The following LAMB4 variants were observed in gnomAD, a reference collection of about 807,000 sequenced individuals.
The protein encoded by LAMB4 is laminin subunit beta-4.
A neutral mutation model predicts 199.2 loss-of-function variants in LAMB4; 196 were observed. The ratio of observed to expected loss-of-function variants is 0.98; its 90% CI spans 0.88 to 1.11. The LOEUF (loss-of-function observed/expected upper bound fraction) is 1.11. Among genes scored for constraint, LAMB4 ranks in the 50% least tolerant of loss-of-function variants. The pLI, the probability that LAMB4 is intolerant of heterozygous loss-of-function variation, is 0.00. For synonymous variants in LAMB4, 744 were observed against 770.6 expected (o/e 0.97, Z 0.57); for missense variants, 2,080 against 2,171.2 (o/e 0.96, Z 0.83).
chr7:108,120,312 A>G (rs1212869911), intron 2 of LAMB4, among the ~76,000 whole-genome samples: 3 of 152,202 alleles, frequency 2.0e-5, no homozygotes, highest in African/African-American at 7.2e-5. Flanking sequence ...TTACTTAAAC[A>G]TTATTCACAT....
chr7:108,031,221 G>T (rs1319232861), intron 31 of LAMB4, among the ~76,000 whole-genome samples: 3 of 151,324 alleles, frequency 2.0e-5, no homozygotes, highest in African/African-American at 7.3e-5. Flanking sequence ...TACTCGGGAG[G>T]CTGAGGCAGG....
At chr7:108,022,075 TCCTAA>T (rs2034706161), downstream of LAMB4, among the ~76,000 whole-genome samples, 2 of 152,298 alleles carry the variant, frequency 1.3e-5, no homozygotes, top group Admixed American at 6.5e-5. Flanking sequence ...AGCATTGGCC[TCCTAA>T]CCTGAGTGTA....
chr7:108,068,976 A>G (rs2036439071), intron 18 of LAMB4, among the ~76,000 whole-genome samples: 1 of 152,102 alleles, frequency 6.6e-6, no homozygotes, highest in Non-Finnish European at 1.5e-5. Context: ...GTGACCCACC[A>G]TGCCCGGTCC....
Position 108,124,013 on chromosome 7 carries a change from T to G in LAMB4, c.-33-816A>C, listed in dbSNP as rs114943803. Among the ~76,000 whole-genome samples, 728 of 143,938 alleles carry G rather than the reference T, an allele frequency of 5.1e-3. 8 individuals carry two copies. The highest frequency in any genetic ancestry group is 0.018 in the African/African-American group (689 of 37,970). 94.4% of individuals were successfully genotyped at this position (143,938 alleles called of 152,430 possible). On this transcript the variant is annotated intron_variant, in intron 1 of 33. Transcript: ENST00000388781. ...GAAAAGAAGGTAAAATTTGTAATGG[T>G]TTTTTTTTTTCCTTTTTTTAAGACA...
At chr7:108,060,968 A>G (rs1182096403) in intron 23 of LAMB4, among the ~76,000 whole-genome samples, 6 of 152,204 alleles carry the variant, frequency 3.9e-5, no homozygotes, top group Non-Finnish European at 8.8e-5. Context: ...TCTGACAAAC[A>G]CTGCTTCAGC....
At chr7:108,044,689 C>A (rs929698057) in intron 28 of LAMB4, among the ~76,000 whole-genome samples, 3 of 152,090 alleles carry the variant, frequency 2.0e-5, no homozygotes, top group Non-Finnish European at 2.9e-5. Context: ...TGGTGGCTCA[C>A]GCCTGTAATC....
Position 108,109,255 on chromosome 7 carries a change from A to G in LAMB4, c.329-11T>C. 1 of 1,599,970 alleles carries G rather than the reference A, an allele frequency of 6.3e-7. No homozygotes were observed. The highest frequency in any genetic ancestry group is 8.6e-7 in the Non-Finnish European group (1 of 1,168,704). On this transcript the variant is annotated splice_polypyrimidine_tract_variant and intron_variant, in intron 4 of 33. Transcript: ENST00000388781. ...TGACATGATCAAGACCTAAGGAAGA[A>G]TCCAGAAAGAAGAAAATCAGTGATT...
intron 2 of LAMB4, among the ~76,000 whole-genome samples, chr7:108,120,713 A>G (rs2038568484): frequency 1.3e-5 from 2 of 152,272 alleles, no homozygotes; most frequent in African/African-American, 4.8e-5. Context: ...TAAGGACAAT[A>G]TCAGGTATAA....
At chr7:108,033,735 A>AC (rs2035124288) in intron 31 of LAMB4, among the ~76,000 whole-genome samples, 1 of 102,078 alleles carries the variant, frequency 9.8e-6, no homozygotes, top group South Asian at 3.3e-4. Context: ...TTGGATGAGT[A>AC]TTTTTTTTTT....
chr7:108,087,540 A>G (rs374774692), intron 14 of LAMB4, among the ~76,000 whole-genome samples: 2 of 152,360 alleles, frequency 1.3e-5, no homozygotes, highest in East Asian at 3.9e-4. Flanking sequence ...GATGGCTACA[A>G]GGTCTTCTGG....
chr7:108,056,572 A>AAGAT (rs1395358858), intron 24 of LAMB4, among the ~76,000 whole-genome samples: 8 of 152,218 alleles, frequency 5.3e-5, no homozygotes, highest in African/African-American at 1.9e-4. Context: ...ACCAAGCCTG[A>AAGAT]AGATAGAGGA....
At position 108,057,889 on chromosome 7, in the gene LAMB4, T is replaced by G; in HGVS notation, c.3322A>C (p.Lys1108Gln). Reference protein sequence around the residue: ...QCPCKLGYGGKRCSECQENYY... With the variant: ...QCPCKLGYGGQRCSECQENYY... ...TTTTCCTGGCACTCACTGCAACGTT[T>G]CCCGCCGTAACCTAATTTACACGGA... Residue 1108 changes from lysine to glutamine, a missense_variant, in exon 24 of 34, where the codon AAA (lysine) becomes CAA (glutamine). Transcript: ENST00000388781. The G allele has an allele frequency of 6.2e-7, 1 of 1,611,556 alleles. No homozygotes were observed. Among genetic ancestry groups the G allele is most frequent in the Non-Finnish European group, 8.5e-7 (1 of 1,179,366 alleles).
intron 7 of LAMB4, 70 bp downstream of exon 7, chr7:108,106,439 C>T: frequency 3.4e-6 from 3 of 895,420 alleles, no homozygotes; most frequent in Non-Finnish European, 3.5e-6. Flanking sequence ...AAAAGAAAAG[C>T]AATTACAAGG....
chr7:108,111,049 A>G (rs2150670800), intron 4 of LAMB4, among the ~76,000 whole-genome samples: 1 of 152,334 alleles, frequency 6.6e-6, no homozygotes, highest in South Asian at 2.1e-4. Context: ...AATGTAGTGA[A>G]TGAAATCATC....
chr7:108,106,429 A>T, intron 7 of LAMB4, 80 bp downstream of exon 7: 1 of 891,246 alleles, frequency 1.1e-6, no homozygotes, highest in South Asian at 1.5e-5. Flanking sequence ...AGAAAAAAAA[A>T]AAAGAAAAGC....
rs2038933254 is a variant in LAMB4, at chr7:108,130,323, T to C, written c.-51A>G. ...AGACTTACCAGGATCTGGGAGTCTT[T>C]GTGGAGAGGTTCAGGCAGCAAACGG... is the stretch of plus-strand genomic sequence containing the variant. On this transcript the variant is annotated 5_prime_UTR_variant, in exon 1 of 34. Transcript: ENST00000388781. The C allele has an allele frequency of 1.3e-5, 2 of 152,132 alleles. No individual in the cohort carries two copies. Among genetic ancestry groups the C allele is most frequent in the South Asian group, 4.2e-4 (2 of 4,816 alleles). The allele number at this position is 152,132 out of a possible 1,614,324, so 9.4% of individuals were successfully genotyped here.
chr7:108,109,339 T>C lies in LAMB4; in HGVS notation c.329-95A>G. 3 of 892,948 alleles carry C rather than the reference T, an allele frequency of 3.4e-6. No individual in the cohort carries two copies. The East Asian group carries it at 7.3e-5, about 22-fold the overall frequency. The allele number at this position is 892,948 out of a possible 1,614,324, so 55.3% of individuals were successfully genotyped here. On this transcript the variant is annotated intron_variant, in intron 4 of 33. Coordinates refer to ENST00000388781, the MANE Select transcript of LAMB4 (RefSeq NM_007356.3). ...ATTGTGGCTTATCTGTAATAAAATC[T>C]CTTTGATGCCACAAGGCTGACGATC...
Position 108,036,194 on chromosome 7 carries a change from A to ATTT in LAMB4, c.4679+1191_4679+1193dup, listed in dbSNP as rs564957239. Among the ~76,000 whole-genome samples the ATTT allele has an allele frequency of 7.5e-3, 1,071 of 142,548 alleles. 7 individuals carry two copies. Among genetic ancestry groups the ATTT allele is most frequent in the African/African-American group, 0.023 (914 of 39,410 alleles). 93.5% of individuals were successfully genotyped at this position (142,548 alleles called of 152,430 possible). A position where few individuals can be genotyped will look rare whatever the true frequency, so the allele number is the denominator to read the frequency against. On this transcript the variant is annotated intron_variant, in intron 30 of 33. Coordinates refer to ENST00000388781, the MANE Select transcript of LAMB4 (RefSeq NM_007356.3). ...CTTTTAATTGCTGTGTGATTACTTG[A>ATTT]TTTTTTTTTTTTGAGACGGAGTTTC...
intron 2 of LAMB4, 55 bp from the exon 3 acceptor site, chr7:108,116,216 C>A (rs2038403560): frequency 1.3e-6 from 2 of 1,512,060 alleles, no homozygotes; most frequent in African/African-American, 1.4e-5. Flanking sequence ...CAGCACAGGG[C>A]CTGCAGAAAT....
Sources: gnomAD v4.1 joint callset for allele counts (sites outside exome capture counted in the v4.1 genomes callset) on GRCh38, gnomAD v4.1.1 for gene constraint, MANE v1.5 for transcripts, NCBI Gene and HGNC (gene_info 2026-07-23, HGNC 2026-07-21) for gene names.